Variants in FOXK1 observed in about 807,000 individuals in gnomAD.
FOXK1 encodes forkhead box protein K1.
Under a neutral mutation model 51.9 loss-of-function variants are expected in FOXK1, and 19 were observed. That is an observed-to-expected ratio of 0.37 (90% CI 0.26 to 0.54). FOXK1 has a LOEUF of 0.54. Among genes scored for constraint, FOXK1 ranks in the 20% least tolerant of loss-of-function variants. FOXK1 has a pLI of 0.87. For synonymous variants in FOXK1, 537 were observed against 482.6 expected, an observed-to-expected ratio of 1.11 and a Z score of -1.48; for missense variants, 870 against 1,032.7, an observed-to-expected ratio of 0.84 and a Z score of 2.16.
In FOXK1 at chr7:4,762,469, A is replaced by C. The variant is rs1177219389; in HGVS notation, c.*5A>C. The C allele has an allele frequency of 1.3e-6, 2 of 1,539,240 alleles. No homozygotes were observed. On this transcript the variant is annotated 3_prime_UTR_variant, in exon 9 of 9. Coordinates refer to ENST00000328914, the MANE Select transcript of FOXK1 (RefSeq NM_001037165.2). This position sits in a 1 kb window ranked among gnomAD's most constrained non-coding sequence, Gnocchi z 5.7. ...GGGCCAGGCACCGGGGAGTGAGGTCACCTGCAACGCGGGGGAGTGGGACTC... is the reference window on the plus strand; with the variant it reads ...GGGCCAGGCACCGGGGAGTGAGGTCCCCTGCAACGCGGGGGAGTGGGACTC...
At chr7:4,713,555 G>A (rs1055695418) in intron 1 of FOXK1, among the ~76,000 whole-genome samples, 8 of 150,022 alleles carry the variant, frequency 5.3e-5, no homozygotes, top group African/African-American at 1.2e-4. Context: ...GCAGTGGCGC[G>A]ATCTCGGCTC....
intron 1 of FOXK1, among the ~76,000 whole-genome samples, chr7:4,710,018 G>A (rs1225414017): frequency 1.3e-5 from 2 of 152,222 alleles, no homozygotes; most frequent in African/African-American, 2.4e-5. Context: ...TTGTGTGGCG[G>A]TCAGTTAGTT....
At position 4,682,976 on chromosome 7, in the gene FOXK1, C is replaced by T; in HGVS notation, c.560+108C>T. Reference sequence around the variant, plus strand: ...CCTCCAGCTTCCTCGGCCTCGACCCCCACCCCCCGGCCCACCCCCGGTAAC... The same window carrying T: ...CCTCCAGCTTCCTCGGCCTCGACCCTCACCCCCCGGCCCACCCCCGGTAAC... On this transcript the variant is annotated intron_variant, in intron 1 of 8. Transcript: ENST00000328914. The surrounding 1 kb of genome is among the most constrained non-coding windows in gnomAD (Gnocchi z 7.6). 2 of 1,189,970 alleles carry T rather than the reference C, an allele frequency of 1.7e-6. No individual in the cohort carries two copies. Among genetic ancestry groups the T allele is most frequent in the Non-Finnish European group, 2.2e-6 (2 of 896,724 alleles). 73.7% of individuals were successfully genotyped at this position (1,189,970 alleles called of 1,614,324 possible).
At position 4,755,438 on chromosome 7, in the gene FOXK1, C is replaced by G; in HGVS notation, c.1050+55C>G. On this transcript the variant is annotated intron_variant, in intron 4 of 8. Transcript: ENST00000328914. This position sits in a 1 kb window ranked among gnomAD's most constrained non-coding sequence, Gnocchi z 6.6. Reference sequence around the variant, plus strand: ...CTCTGAAGGCCCTTAGAACATGGAACTCACAGGCATATTGCTTCCCTTAAA... The same window carrying G: ...CTCTGAAGGCCCTTAGAACATGGAAGTCACAGGCATATTGCTTCCCTTAAA... 1 of 1,594,892 alleles carries G rather than the reference C, an allele frequency of 6.3e-7. No individual in the cohort carries two copies. Among genetic ancestry groups the G allele is most frequent in the Non-Finnish European group, 8.6e-7 (1 of 1,168,336 alleles).
At chr7:4,716,676 G>A (rs952530632) in intron 1 of FOXK1, among the ~76,000 whole-genome samples, 9 of 152,190 alleles carry the variant, frequency 5.9e-5, no homozygotes, top group South Asian at 2.1e-4. Context: ...GGAAGCGGGT[G>A]AGTACAGAGG....
At position 4,762,602 on chromosome 7, in the gene FOXK1, C is replaced by G; in HGVS notation, c.*138C>G. ...TGGGCATCGGCGGCACCTGGACACA[C>G]CCAGCCCTTTCCATTTGATCGCCTG... On this transcript the variant is annotated 3_prime_UTR_variant, in exon 9 of 9. Coordinates refer to ENST00000328914, the MANE Select transcript of FOXK1 (RefSeq NM_001037165.2). This position sits in a 1 kb window ranked among gnomAD's most constrained non-coding sequence, Gnocchi z 5.7. The G allele has an allele frequency of 7.8e-6, 6 of 767,648 alleles. No individual in the cohort carries two copies. The highest frequency in any genetic ancestry group is 2.7e-5 in the East Asian group (1 of 36,656). The allele number at this position is 767,648 out of a possible 1,614,324, so 47.6% of individuals were successfully genotyped here.
chr7:4,720,930 A>AAACTCAAC (rs1780301179), intron 1 of FOXK1, among the ~76,000 whole-genome samples: 1 of 151,924 alleles, frequency 6.6e-6, no homozygotes, highest in Middle Eastern at 3.4e-3. Flanking sequence ...AAGAAAAAAA[A>AAACTCAAC]AACTCAACAC....
In FOXK1 at chr7:4,756,158, C is replaced by T. The variant is rs1056769372; in HGVS notation, c.1050+775C>T. Among the ~76,000 whole-genome samples, 3 of 152,098 alleles carry T rather than the reference C, an allele frequency of 2.0e-5. No individual in the cohort carries two copies. Among genetic ancestry groups the T allele is most frequent in the African/African-American group, 4.8e-5 (2 of 41,424 alleles). On this transcript the variant is annotated intron_variant, in intron 4 of 8. Coordinates refer to ENST00000328914, the MANE Select transcript of FOXK1 (RefSeq NM_001037165.2). This position sits in a 1 kb window ranked among gnomAD's most constrained non-coding sequence, Gnocchi z 4.1. The stretch of plus-strand genomic sequence containing the variant: ...GAGACAGGATCTCGCTCTGCCATCC[C>T]GGCTGGAGTGTGGTGGCGCGATCTC...
At chr7:4,728,204 G>A (rs959612424) in intron 1 of FOXK1, among the ~76,000 whole-genome samples, 3 of 152,186 alleles carry the variant, frequency 2.0e-5, no homozygotes, top group Non-Finnish European at 4.4e-5. Context: ...CCTGCCAAAC[G>A]TTCTCTGATT....
At chr7:4,706,421 G>A (rs1562373404) in intron 1 of FOXK1, among the ~76,000 whole-genome samples, 1 of 152,204 alleles carries the variant, frequency 6.6e-6, no homozygotes, top group East Asian at 1.9e-4. Context: ...AAGGGGAGGT[G>A]GTCAGGGAAG....
chr7:4,685,350 G>A (rs1172712593), intron 1 of FOXK1, among the ~76,000 whole-genome samples: 2 of 151,018 alleles, frequency 1.3e-5, no homozygotes, highest in South Asian at 2.1e-4. Context: ...GAGTGGCTGG[G>A]ACTACAGGCG....
chr7:4,697,781 G>T (rs1779972381), intron 1 of FOXK1, among the ~76,000 whole-genome samples: 1 of 148,046 alleles, frequency 6.8e-6, no homozygotes, highest in Non-Finnish European at 1.5e-5. Context: ...GTGTGTGTGT[G>T]TGTGTGTGTT....
chr7:4,713,153 T>G (rs1000023255), intron 1 of FOXK1, among the ~76,000 whole-genome samples: 1 of 152,368 alleles, frequency 6.6e-6, no homozygotes, highest in East Asian at 1.9e-4. Context: ...ATTAATTTGC[T>G]AGTTACTTAC....
At position 4,753,278 on chromosome 7, in the gene FOXK1, C is replaced by G. The variant is rs1432879890; in HGVS notation, c.747-1181C>G. ...AATGTTTCTTGAGCCCCGCCTGCAC[C>G]CAAGGGGGCTCCTACTTAACCTAAG... On this transcript the variant is annotated intron_variant, in intron 2 of 8. Transcript: ENST00000328914. The surrounding 1 kb of genome is among the most constrained non-coding windows in gnomAD (Gnocchi z 4.9). 1.3e-5 allele frequency among the ~76,000 whole-genome samples: 2 copies of G among 152,196 alleles called. No homozygotes were observed. The highest frequency in any genetic ancestry group is 2.4e-5 in the African/African-American group (1 of 41,440).
intron 1 of FOXK1, among the ~76,000 whole-genome samples, chr7:4,688,613 C>T (rs1025991576): frequency 6.6e-6 from 1 of 152,092 alleles, no homozygotes; most frequent in African/African-American, 2.4e-5. Flanking sequence ...GTCTCGAAGT[C>T]CTGTCTCCAG....
At chr7:4,738,504 T>A (rs1195671646) in intron 1 of FOXK1, among the ~76,000 whole-genome samples, 1 of 151,262 alleles carries the variant, frequency 6.6e-6, no homozygotes, top group Non-Finnish European at 1.5e-5. Context: ...ATGCAGGAAA[T>A]CTCCACTGGG....
At position 4,711,620 on chromosome 7, in the gene FOXK1, G is replaced by A. The variant is rs73303367; in HGVS notation, c.560+28752G>A. The stretch of plus-strand genomic sequence containing the variant: ...GAGTGCCACTCCTCGGCATTGTGTG[G>A]ATGGGCGGTAGTGAGAATAATTACT... On this transcript the variant is annotated intron_variant, in intron 1 of 8. Coordinates refer to ENST00000328914, the MANE Select transcript of FOXK1 (RefSeq NM_001037165.2). This position sits in a 1 kb window ranked among gnomAD's most constrained non-coding sequence, Gnocchi z 6.3. Among the ~76,000 whole-genome samples, 3,877 of 152,256 alleles carry A rather than the reference G, an allele frequency of 0.025. 162 individuals are homozygous for A. The highest frequency in any genetic ancestry group is 0.089 in the African/African-American group (3,678 of 41,520).
Position 4,756,970 on chromosome 7 carries a change from G to A in FOXK1, c.1051-24G>A, listed in dbSNP as rs754961984. The A allele has an allele frequency of 1.2e-6, 2 of 1,609,042 alleles. No homozygotes were observed. The highest frequency in any genetic ancestry group is 1.7e-6 in the Non-Finnish European group (2 of 1,178,110). The stretch of plus-strand genomic sequence containing the variant: ...TCATTTTCTGATTTGCTGGTGATGG[G>A]TGAATATCTCTGCTTCCCTGCAGAA... On this transcript the variant is annotated intron_variant, in intron 4 of 8. Transcript: ENST00000328914. The surrounding 1 kb of genome is among the most constrained non-coding windows in gnomAD (Gnocchi z 4.1).
rs1583176053 is a variant in FOXK1 at position 4,682,593 on chromosome 7, C to A, written c.285C>A (p.Ala95=). Residue 95 remains alanine, a synonymous_variant, in exon 1 of 9, where the codon GCC becomes GCA. Coordinates refer to ENST00000328914, the MANE Select transcript of FOXK1 (RefSeq NM_001037165.2). The surrounding 1 kb of genome is among the most constrained non-coding windows in gnomAD (Gnocchi z 7.6). ...CGCCGGCCCTGGTGGCCGCGGCGGC[C>A]GCCTCGGTACGGCAGAGCCCGGGGC... ...GAAPALVAAA[A]ASVRQSPGPA... 1.6e-6 allele frequency: 2 copies of A among 1,279,002 alleles called. No individual in the cohort carries two copies. The highest frequency in any genetic ancestry group is 6.3e-5 in the East Asian group (2 of 31,650). The allele number at this position is 1,279,002 out of a possible 1,614,324, so 79.2% of individuals were successfully genotyped here.
Sources: gnomAD v4.1 joint callset for allele counts (sites outside exome capture counted in the v4.1 genomes callset) on GRCh38, gnomAD v4.1.1 for gene constraint, Gnocchi (gnomAD v3.1) non-coding constraint, MANE v1.5 for transcripts, NCBI Gene and HGNC (gene_info 2026-07-23, HGNC 2026-07-21) for gene names.